SCARA3: variants seen among roughly 807,000 people sequenced by gnomAD.
SCARA3 encodes scavenger receptor class A member 3, also known as cellular stress response gene protein.
A neutral mutation model predicts 47.0 loss-of-function variants in SCARA3; 39 were observed. That is an observed-to-expected ratio of 0.83 (90% confidence interval 0.64 to 1.08). The LOEUF (loss-of-function observed/expected upper bound fraction) is 1.08. SCARA3 is among the 50% of genes least tolerant of loss of function. SCARA3 has a pLI of 0.00. For synonymous variants in SCARA3, 356 were observed against 334.1 expected, an observed-to-expected ratio of 1.07 and a Z score of -0.71; for missense variants, 724 against 792.3, an observed-to-expected ratio of 0.91 and a Z score of 1.04.
the SCARA3 span, among the ~76,000 whole-genome samples, chr8:27,684,644 G>A: frequency 1.3e-5 from 2 of 149,968 alleles, no homozygotes; most frequent in South Asian, 4.3e-4. Flanking sequence ...TCCAGCCTGG[G>A]CAACAGAGCA....
chr8:27,685,926 T>TG, the SCARA3 span, among the ~76,000 whole-genome samples: 2 of 151,296 alleles, frequency 1.3e-5, no homozygotes, highest in Non-Finnish European at 2.9e-5. Context: ...ACACATGAGG[T>TG]GGGGGGGAAA....
chr8:27,723,427 G>C, the SCARA3 span, among the ~76,000 whole-genome samples: 1 of 152,172 alleles, frequency 6.6e-6, no homozygotes, highest in African/African-American at 2.4e-5. Flanking sequence ...GTAAGAGTGA[G>C]CTTTTCGTCA....
At chr8:27,650,925 A>G (rs547247006) in intron 2 of SCARA3, among the ~76,000 whole-genome samples, 3 of 152,140 alleles carry the variant, frequency 2.0e-5, no homozygotes, top group African/African-American at 7.2e-5. Context: ...GGATCTTGCT[A>G]TGTTGCCTTG....
chr8:27,644,685 C>G (rs1229429571), intron 1 of SCARA3, among the ~76,000 whole-genome samples: 1 of 151,444 alleles, frequency 6.6e-6, no homozygotes, highest in Non-Finnish European at 1.5e-5. Context: ...TTCTGCCTTC[C>G]TATAAACGGA....
the SCARA3 span, among the ~76,000 whole-genome samples, chr8:27,694,485 A>G: frequency 6.6e-6 from 1 of 152,218 alleles, no homozygotes; most frequent in Non-Finnish European, 1.5e-5. Flanking sequence ...AGAAATTTTA[A>G]AAATAATAAT....
chr8:27,732,607 A>C, the SCARA3 span, among the ~76,000 whole-genome samples: 1 of 152,242 alleles, frequency 6.6e-6, no homozygotes, highest in Non-Finnish European at 1.5e-5. Context: ...TAAGTCACCT[A>C]GTATATACAC....
At chr8:27,724,677 A>G in the SCARA3 span, among the ~76,000 whole-genome samples, 61,928 of 151,944 alleles carry the variant, frequency 0.41, 13,011 homozygotes, top group East Asian at 0.63. Context: ...CCAAACAAAA[A>G]ACTGGTTAAG....
chr8:27,659,166 C>T lies in SCARA3; in HGVS notation c.996C>T (p.Thr332=). 2 of 1,614,102 alleles carry T rather than the reference C, an allele frequency of 1.2e-6. No individual in the cohort carries two copies. The highest frequency in any genetic ancestry group is 1.7e-6 in the Non-Finnish European group (2 of 1,180,016). ...ACATGCATGATCTTCAGTACCATAC[C>T]CACTACGCCCAGAACCGCACTGTGG... ...EENMHDLQYH[T]HYAQNRTVER... is the part of the protein sequence containing the mutation. Residue 332 remains threonine (T), a synonymous_variant, in exon 5 of 6, where the codon ACC becomes ACT. Transcript: ENST00000301904.
chr8:27,633,666 G>A (rs1238277145), upstream of SCARA3, among the ~76,000 whole-genome samples: 2 of 152,090 alleles, frequency 1.3e-5, no homozygotes, highest in African/African-American at 4.8e-5. Context: ...TCGAGGCTGG[G>A]CTGTGGGGCT....
the SCARA3 span, among the ~76,000 whole-genome samples, chr8:27,711,840 G>A: frequency 1.3e-5 from 2 of 152,202 alleles, no homozygotes; most frequent in African/African-American, 4.8e-5. Flanking sequence ...CATATGCACA[G>A]CTTCCCCTAT....
the SCARA3 span, among the ~76,000 whole-genome samples, chr8:27,686,331 C>G: frequency 6.6e-6 from 1 of 151,876 alleles, no homozygotes; most frequent in Non-Finnish European, 1.5e-5. Flanking sequence ...GTTGTCCCAG[C>G]TACTTAGGAG....
At chr8:27,706,641 G>A in the SCARA3 span, among the ~76,000 whole-genome samples, 1 of 152,172 alleles carries the variant, frequency 6.6e-6, no homozygotes, top group Non-Finnish European at 1.5e-5. Flanking sequence ...GCAGAGGTCT[G>A]AGCTGTGGAG....
chr8:27,663,926 C>T (rs1019495466), intron 5 of SCARA3, among the ~76,000 whole-genome samples: 2 of 152,296 alleles, frequency 1.3e-5, no homozygotes, highest in East Asian at 1.9e-4. Flanking sequence ...ACTAGAAATA[C>T]GCACTCTAAT....
downstream of SCARA3, among the ~76,000 whole-genome samples, chr8:27,681,545 C>T (rs762861472): frequency 4.0e-5 from 6 of 151,750 alleles, no homozygotes; most frequent in South Asian, 2.1e-4. Flanking sequence ...GCAACAGAAG[C>T]GAGACTTCAT....
At chr8:27,722,343 G>A in the SCARA3 span, among the ~76,000 whole-genome samples, 97 of 152,198 alleles carry the variant, frequency 6.4e-4, no homozygotes, top group African/African-American at 2.0e-3. Flanking sequence ...ATGTGAAGAT[G>A]CATGAAGACA....
the SCARA3 span, among the ~76,000 whole-genome samples, chr8:27,708,791 A>G: frequency 1.3e-5 from 2 of 152,226 alleles, no homozygotes; most frequent in African/African-American, 4.8e-5. Context: ...CTTGTTCATT[A>G]TAGACTTTAA....
At chr8:27,705,756 T>C in the SCARA3 span, among the ~76,000 whole-genome samples, 1 of 152,232 alleles carries the variant, frequency 6.6e-6, no homozygotes, top group Non-Finnish European at 1.5e-5. Flanking sequence ...GCAAAAAGGT[T>C]CTTCTAAAAC....
At chr8:27,700,987 T>G in the SCARA3 span, among the ~76,000 whole-genome samples, 1 of 152,146 alleles carries the variant, frequency 6.6e-6, no homozygotes, top group Non-Finnish European at 1.5e-5. Flanking sequence ...TACATACTAT[T>G]CACAACAGCA....
intron 1 of SCARA3, among the ~76,000 whole-genome samples, chr8:27,648,149 C>T (rs1801548121): frequency 1.3e-5 from 2 of 152,246 alleles, no homozygotes; most frequent in Admixed American, 6.5e-5. Context: ...TTTCTGAGTT[C>T]ACATCTTGGC....
Sources: allele counts gnomAD v4.1 joint callset (sites outside exome capture counted in the v4.1 genomes callset), GRCh38; gene constraint gnomAD v4.1.1; transcripts MANE v1.5; gene names NCBI Gene and HGNC (gene_info 2026-07-23, HGNC 2026-07-21).